The following CALCRL variants were observed in gnomAD, a reference collection of about 807,000 sequenced individuals.
The protein encoded by CALCRL is calcitonin gene-related peptide type 1 receptor.
In CALCRL, 27 loss-of-function variants were observed where a neutral mutation model predicts 60.4. That is an observed-to-expected ratio of 0.45 (90% confidence interval 0.33 to 0.62). The LOEUF is 0.62. Among genes scored for constraint, CALCRL ranks in the 20% least tolerant of loss-of-function variants. The pLI, the probability that CALCRL is intolerant of heterozygous loss-of-function variation, is 0.03. For missense variants in CALCRL, 424 were observed against 540.7 expected, an observed-to-expected ratio of 0.78 and a Z score of 2.14; for synonymous variants, 190 against 182.6, an observed-to-expected ratio of 1.04 and a Z score of -0.33.
chr2:187,423,451 A>G (rs1689980394), intron 1 of CALCRL, among the ~76,000 whole-genome samples: 1 of 151,976 alleles, frequency 6.6e-6, no homozygotes, highest in African/African-American at 2.4e-5. Flanking sequence ...TTATAAAAGC[A>G]TTCAAAATCA....
At chr2:187,371,204 T>G (rs924829046) in intron 8 of CALCRL, among the ~76,000 whole-genome samples, 1 of 151,142 alleles carries the variant, frequency 6.6e-6, no homozygotes, top group African/African-American at 2.4e-5. Flanking sequence ...ATCGTGCCAC[T>G]GCACTCCAGC....
At chr2:187,377,642 A>G (rs62172372) in intron 8 of CALCRL, among the ~76,000 whole-genome samples, 22,463 of 152,172 alleles carry the variant, frequency 0.15, 2,201 homozygotes, top group Non-Finnish European at 0.21. Flanking sequence ...AGTACAAACT[A>G]TGGGAAAAGT....
At chr2:187,415,284 T>G (rs1318390725) in intron 1 of CALCRL, among the ~76,000 whole-genome samples, 4 of 152,194 alleles carry the variant, frequency 2.6e-5, no homozygotes, top group African/African-American at 7.2e-5. Flanking sequence ...TTTGAACTTC[T>G]CACATGAAAA....
rs1241134692 is a variant in CALCRL at position 187,388,274 on chromosome 2, TGAAA to T, written c.-292-522_-292-519del. ...TTATTATCAAGTATTAATAGCAAGG[TGAAA>T]GAAAGAAGAGTTGTTTTGTTTTTGG... On this transcript the variant is annotated intron_variant, in intron 1 of 14. Coordinates refer to ENST00000392370, the MANE Select transcript of CALCRL (RefSeq NM_005795.6). Among the ~76,000 whole-genome samples the T allele has an allele frequency of 3.9e-5, 6 of 152,090 alleles. No individual in the cohort carries two copies. The South Asian group carries it at 6.2e-4, about 16-fold the overall frequency.
chr2:187,394,442 A>C (rs954437571), intron 1 of CALCRL, among the ~76,000 whole-genome samples: 1 of 152,092 alleles, frequency 6.6e-6, no homozygotes, highest in Non-Finnish European at 1.5e-5. Context: ...TAAGTTACTA[A>C]ATTTATGGTC....
At chr2:187,353,523 A>G (rs559414252) in intron 12 of CALCRL, among the ~76,000 whole-genome samples, 33 of 152,128 alleles carry the variant, frequency 2.2e-4, no homozygotes, top group African/African-American at 7.2e-4. Flanking sequence ...TTCTACCACT[A>G]TTTTTAGAAA....
intron 1 of CALCRL, among the ~76,000 whole-genome samples, chr2:187,443,513 T>C (rs2058670): frequency 0.34 from 51,762 of 151,460 alleles, 9,382 homozygotes; most frequent in African/African-American, 0.46. Context: ...CATCACAGTG[T>C]ACTTCTATAA....
chr2:187,380,943 C>T (rs1283396700), intron 5 of CALCRL, among the ~76,000 whole-genome samples, 156 bp from the exon 6 acceptor site: 2 of 151,738 alleles, frequency 1.3e-5, no homozygotes, highest in Admixed American at 6.6e-5. Flanking sequence ...TATTTGGCTT[C>T]CCACCAAGTA....
chr2:187,377,930 G>A (rs1300795471), intron 8 of CALCRL, among the ~76,000 whole-genome samples: 1 of 151,848 alleles, frequency 6.6e-6, no homozygotes, highest in South Asian at 2.1e-4. Flanking sequence ...TTGCTTAATA[G>A]GGTATTAAAA....
intron 1 of CALCRL, among the ~76,000 whole-genome samples, chr2:187,405,685 A>G (rs138569624): frequency 4.7e-4 from 71 of 152,178 alleles, no homozygotes; most frequent in African/African-American, 1.7e-3. Flanking sequence ...AAGGTGTGGG[A>G]TTCATTACCT....
chr2:187,394,709 G>A (rs1343539644), intron 1 of CALCRL, among the ~76,000 whole-genome samples: 1 of 151,900 alleles, frequency 6.6e-6, no homozygotes, highest in Admixed American at 6.6e-5. Flanking sequence ...TAGATAATGA[G>A]TATAAAACTT....
intron 1 of CALCRL, among the ~76,000 whole-genome samples, chr2:187,407,691 C>T (rs1217867736): frequency 6.6e-6 from 1 of 152,056 alleles, no homozygotes; most frequent in Non-Finnish European, 1.5e-5. Context: ...GACTGCTGTG[C>T]AGTGAAAGAT....
At chr2:187,432,735 C>A (rs1440112038) in intron 1 of CALCRL, among the ~76,000 whole-genome samples, 1 of 152,026 alleles carries the variant, frequency 6.6e-6, no homozygotes, top group African/African-American at 2.4e-5. Context: ...GGCAAAAAGT[C>A]TGCATATACA....
At chr2:187,361,047 T>C (rs1342670884) in intron 9 of CALCRL, among the ~76,000 whole-genome samples, 1 of 152,092 alleles carries the variant, frequency 6.6e-6, no homozygotes, top group East Asian at 1.9e-4. Flanking sequence ...GTTATGTAAT[T>C]ATAAGTATAA....
At chr2:187,383,616 G>A (rs967902435) in intron 4 of CALCRL, among the ~76,000 whole-genome samples, 1 of 152,148 alleles carries the variant, frequency 6.6e-6, no homozygotes, top group South Asian at 2.1e-4. Flanking sequence ...AATGTAGACA[G>A]AGATGTCTTC....
Position 187,431,922 on chromosome 2 carries a change from G to C in CALCRL, c.-293+16117C>G, listed in dbSNP as rs139821976. ...AAGCATCTCTGAAGAGGTGGTATAT[G>C]AGCAGTGGACCTGAAGTAAGAGAGC... is the stretch of plus-strand genomic sequence containing the variant. On this transcript the variant is annotated intron_variant, in intron 1 of 14. Coordinates refer to ENST00000392370, the MANE Select transcript of CALCRL (RefSeq NM_005795.6). Among the ~76,000 whole-genome samples, 4 of 152,204 alleles carry C rather than the reference G, an allele frequency of 2.6e-5. No individual in the cohort carries two copies. In the East Asian group the frequency reaches 7.7e-4, roughly 29 times the overall value.
intron 9 of CALCRL, among the ~76,000 whole-genome samples, chr2:187,362,575 G>GACACACACAC (rs3836102): frequency 1.3e-5 from 2 of 151,186 alleles, no homozygotes; most frequent in African/African-American, 2.4e-5. Flanking sequence ...ACTTTATATA[G>GACACACACAC]ACACACACAC....
chr2:187,411,792 C>A (rs183967455), intron 1 of CALCRL, among the ~76,000 whole-genome samples: 2 of 151,380 alleles, frequency 1.3e-5, no homozygotes, highest in African/African-American at 2.4e-5. Context: ...GTCAGGAGAT[C>A]GAGACCAGCC....
intron 1 of CALCRL, among the ~76,000 whole-genome samples, chr2:187,422,675 A>G (rs932706234): frequency 2.0e-5 from 3 of 151,978 alleles, no homozygotes; most frequent in African/African-American, 7.2e-5. Flanking sequence ...TGTCCAGAAG[A>G]CATTACCTAA....
Sources: allele counts gnomAD v4.1 joint callset (sites outside exome capture counted in the v4.1 genomes callset), GRCh38; gene constraint gnomAD v4.1.1; transcripts MANE v1.5; gene names NCBI Gene and HGNC (gene_info 2026-07-23, HGNC 2026-07-21).